Variants in SPTB observed in about 807,000 individuals in gnomAD.
The protein encoded by SPTB is spectrin beta, erythrocytic.
Under a neutral mutation model 256.2 loss-of-function variants are expected in SPTB, and 45 were observed. The observed-to-expected ratio is 0.18, with a 90% CI of 0.14 to 0.23. The LOEUF (loss-of-function observed/expected upper bound fraction) is 0.23, where lower values mean the gene tolerates loss of function less well. Ranked by LOEUF, SPTB falls within the 10% of genes least tolerant of loss-of-function variation. The pLI, the probability that SPTB is intolerant of heterozygous loss-of-function variation, is 1.00. For synonymous variants in SPTB, 1,231 were observed against 1,243.1 expected (o/e 0.99, Z 0.21); for missense variants, 2,715 against 3,040.4 (o/e 0.89, Z 2.52).
chr14:64,799,981 C>T, intron 8 of SPTB, 47 bp from the exon 9 acceptor site: 1 of 1,602,608 alleles, frequency 6.2e-7, no homozygotes, highest in Non-Finnish European at 8.5e-7. Flanking sequence ...GGCAATGCCA[C>T]CACTGAGGAT....
At position 64,841,994 on chromosome 14, in the gene SPTB, G is replaced by A. The variant is rs942470145; in HGVS notation, c.-51-18849C>T. Among the ~76,000 whole-genome samples, 1 of 152,176 alleles carries A rather than the reference G, an allele frequency of 6.6e-6. No individual in the cohort carries two copies. Among genetic ancestry groups the A allele is most frequent in the Admixed American group, 6.5e-5 (1 of 15,276 alleles). ...GGGCTACTCAGAAGTTCCACTGAAC[G>A]GCATGTCAGTGCCTTACCAATAGTC... is the stretch of plus-strand genomic sequence containing the variant. On this transcript the variant is annotated intron_variant, in intron 1 of 35. Transcript: ENST00000644917. This position sits in a 1 kb window ranked among gnomAD's most constrained non-coding sequence, Gnocchi z 4.6.
intron 33 of SPTB, among the ~76,000 whole-genome samples, chr14:64,750,952 C>CATT (rs3063774): frequency 0.35 from 50,426 of 143,420 alleles, 9,946 homozygotes; most frequent in African/African-American, 0.54. Flanking sequence ...CTATATAATA[C>CATT]ATATTTTATA....
At position 64,777,212 on chromosome 14, in the gene SPTB, G is replaced by A. The variant is rs1454956811; in HGVS notation, c.4564-1809C>T. Among the ~76,000 whole-genome samples, 1 of 152,176 alleles carries A rather than the reference G, an allele frequency of 6.6e-6. No homozygotes were observed. Among genetic ancestry groups the A allele is most frequent in the Non-Finnish European group, 1.5e-5 (1 of 68,034 alleles). On this transcript the variant is annotated intron_variant, in intron 22 of 35. Transcript: ENST00000644917. The surrounding 1 kb of genome is among the most constrained non-coding windows in gnomAD (Gnocchi z 4.5). ...GACTGAACAAGTGCAAAGGCTCTGG[G>A]GTGGACATGAGCTGGGACCGTCTGA...
At chr14:64,874,987 C>T (rs1882742551) in intron 1 of SPTB, among the ~76,000 whole-genome samples, 1 of 151,964 alleles carries the variant, frequency 6.6e-6, no homozygotes, top group Non-Finnish European at 1.5e-5. Flanking sequence ...TTATAACATT[C>T]AAATGAAAGA....
chr14:64,761,683 AGAATGAGGCTTCCTCGG>A (rs1272412201), intron 32 of SPTB, among the ~76,000 whole-genome samples: 11 of 152,196 alleles, frequency 7.2e-5, no homozygotes, highest in Non-Finnish European at 1.5e-4. Context: ...GCGTGAGAAG[AGAATGAGGCTTCCTCGG>A]GAGCTGTCTT....
rs2082782895 is a variant in SPTB at position 64,796,986 on chromosome 14, C to T, written c.1183-271G>A. On this transcript the variant is annotated intron_variant, in intron 10 of 35. Coordinates refer to ENST00000644917, the MANE Select transcript of SPTB (RefSeq NM_001355436.2). The surrounding 1 kb of genome is among the most constrained non-coding windows in gnomAD (Gnocchi z 4.1). Reference sequence around the variant, plus strand: ...CTTGGCCCAAAATAATGTTTTTCACCTCTCTGGATGCTCAGTAAGTTCTTA... The same window carrying T: ...CTTGGCCCAAAATAATGTTTTTCACTTCTCTGGATGCTCAGTAAGTTCTTA... Among the ~76,000 whole-genome samples the T allele has an allele frequency of 6.6e-6, 1 of 152,188 alleles. No homozygotes were observed. The highest frequency in any genetic ancestry group is 2.1e-4 in the South Asian group (1 of 4,822).
chr14:64,770,948 G>T lies in SPTB; in HGVS notation c.5735C>A (p.Ala1912Asp), dbSNP rs1291643280. ...TADKFRFFSM[A>D]RDLLSWMESI... ...CTCCATCCAGGAGAGGAGGTCACGG[G>T]CCATGCTGAAGAAGCGGAATTTATC... The change falls in exon 27 of 36, where the codon GCC becomes GAC. Residue 1912 changes from alanine (A) to aspartate (D), a missense_variant. Ala to Asp is a moderately radical substitution (Grantham distance 126, BLOSUM62 -2). Around this residue, in one of 4 missense-constraint regions of SPTB, gnomAD observed 2,239 missense variants for 2,384.4 expected, o/e 0.94. Coordinates refer to ENST00000644917, the MANE Select transcript of SPTB (RefSeq NM_001355436.2). 2 of 1,614,102 alleles carry T rather than the reference G, an allele frequency of 1.2e-6. No homozygotes were observed. Among genetic ancestry groups the T allele is most frequent in the Admixed American group, 3.3e-5 (2 of 60,034 alleles).
At chr14:64,762,957 C>T (rs1213564386) in intron 32 of SPTB, among the ~76,000 whole-genome samples, 1 of 152,212 alleles carries the variant, frequency 6.6e-6, no homozygotes, top group Non-Finnish European at 1.5e-5. Flanking sequence ...ATGGCATCAC[C>T]GCAGCCCTGC....
rs1267406265 is a variant in SPTB at position 64,807,138 on chromosome 14, A to G, written c.149-2048T>C. 6.6e-6 allele frequency among the ~76,000 whole-genome samples: 1 copy of G among 152,224 alleles called. No homozygotes were observed. Among genetic ancestry groups the G allele is most frequent in the Non-Finnish European group, 1.5e-5 (1 of 68,040 alleles). On this transcript the variant is annotated intron_variant, in intron 2 of 35. Transcript: ENST00000644917. This position sits in a 1 kb window ranked among gnomAD's most constrained non-coding sequence, Gnocchi z 4.7. The stretch of plus-strand genomic sequence containing the variant: ...AGTTTTTTCCCTAGAAACCAGATCT[A>G]TTCTTTAAGTAGCTAACCCTTCAGG...
chr14:64,878,251 T>C (rs767103055), intron 1 of SPTB, among the ~76,000 whole-genome samples: 1 of 152,174 alleles, frequency 6.6e-6, no homozygotes, highest in African/African-American at 2.4e-5. Context: ...CCTCTGGAGT[T>C]AGTGGGTTTC....
At chr14:64,843,004 G>A (rs925407208) in intron 1 of SPTB, among the ~76,000 whole-genome samples, 5 of 152,080 alleles carry the variant, frequency 3.3e-5, no homozygotes, top group Non-Finnish European at 4.4e-5. Context: ...GGCTGAGGCT[G>A]CAGTGAGCTG....
Position 64,770,976 on chromosome 14 carries a change from C to T in SPTB, c.5707G>A (p.Ala1903Thr). The change falls in exon 27 of 36, where the codon GCG (alanine) becomes ACG (threonine). Residue 1903 changes from alanine to threonine, a missense_variant. Around this residue, in one of 4 missense-constraint regions of SPTB, gnomAD observed 2,239 missense variants for 2,384.4 expected, o/e 0.94. Coordinates refer to ENST00000644917, the MANE Select transcript of SPTB (RefSeq NM_001355436.2). The part of the protein sequence containing the change: ...AGRRTQLVDT[A>T]DKFRFFSMAR... Reference sequence around the variant, plus strand: ...ATGCTGAAGAAGCGGAATTTATCCGCCGTGTCCACTAGCTGGGTCCGGCGC... The same window carrying T: ...ATGCTGAAGAAGCGGAATTTATCCGTCGTGTCCACTAGCTGGGTCCGGCGC... 1.2e-6 allele frequency: 2 copies of T among 1,614,154 alleles called. No homozygotes were observed. The highest frequency in any genetic ancestry group is 1.7e-6 in the Non-Finnish European group (2 of 1,180,034).
Position 64,793,958 on chromosome 14 carries a change from A to G in SPTB, c.1796-91T>C. 1 of 1,359,194 alleles carries G rather than the reference A, an allele frequency of 7.4e-7. No individual in the cohort carries two copies. Among genetic ancestry groups the G allele is most frequent in the Non-Finnish European group, 9.9e-7 (1 of 1,014,444 alleles). The allele number at this position is 1,359,194 out of a possible 1,614,324, so 84.2% of individuals were successfully genotyped here. ...TAAGCTGCTAGGTTGGAACTACACA[A>G]CCCTGAAGCTGCCATGTCACTGGGG... On this transcript the variant is annotated intron_variant, in intron 13 of 35. Coordinates refer to ENST00000644917, the MANE Select transcript of SPTB (RefSeq NM_001355436.2). The surrounding 1 kb of genome is among the most constrained non-coding windows in gnomAD (Gnocchi z 7.0).
At chr14:64,801,691 G>T in intron 6 of SPTB, 63 bp downstream of exon 6, 2 of 1,495,930 alleles carry the variant, frequency 1.3e-6, no homozygotes, top group Non-Finnish European at 1.9e-6. Flanking sequence ...TAAGTGCAAT[G>T]TGTCCAAATA....
At chr14:64,773,449 C>T (rs776375878) in intron 24 of SPTB, 25 bp from the exon 25 acceptor site, 3 of 1,611,646 alleles carry the variant, frequency 1.9e-6, no homozygotes, top group Non-Finnish European at 2.5e-6. Flanking sequence ...CAAAAAGGCC[C>T]TCAGAGACGG....
intron 2 of SPTB, 111 bp downstream of exon 2, chr14:64,822,836 T>C: frequency 6.6e-7 from 1 of 1,515,248 alleles, no homozygotes. Context: ...TCTCCATCAC[T>C]GCCATGCCAG....
In SPTB at chr14:64,874,827, A is replaced by C. The variant is rs915589687; in HGVS notation, c.-52+4965T>G. The stretch of plus-strand genomic sequence containing the variant: ...TTCTTCTCCTTTTCACAATGGTGGA[A>C]ACTCCTAAATTGACTATAATTCGAA... On this transcript the variant is annotated intron_variant, in intron 1 of 35. Transcript: ENST00000644917. 2.0e-5 allele frequency among the ~76,000 whole-genome samples: 3 copies of C among 152,204 alleles called. No homozygotes were observed. In the South Asian group the frequency reaches 6.2e-4, roughly 32 times the overall value.
At chr14:64,814,416 TCTG>T (rs2083151433) in intron 2 of SPTB, among the ~76,000 whole-genome samples, 1 of 152,180 alleles carries the variant, frequency 6.6e-6, no homozygotes, top group South Asian at 2.1e-4. Flanking sequence ...TAACAAAATC[TCTG>T]GTTTCCTTTA....
At position 64,775,449 on chromosome 14, in the gene SPTB, G is replaced by A. The variant is rs61392811; in HGVS notation, c.4564-46C>T. 0.059 allele frequency: 92,849 copies of A among 1,582,778 alleles called. 6,270 individuals carry two copies. The highest frequency in any genetic ancestry group is 0.39 in the East Asian group (17,466 of 44,512). Reference sequence around the variant, plus strand: ...TCGGGGCAGGGCCTTCCCACCATGCGGGGGAGGCTGCTTCAGCAGTGGCAG... The same window carrying A: ...TCGGGGCAGGGCCTTCCCACCATGCAGGGGAGGCTGCTTCAGCAGTGGCAG... On this transcript the variant is annotated intron_variant, in intron 22 of 35. Coordinates refer to ENST00000644917, the MANE Select transcript of SPTB (RefSeq NM_001355436.2). This position sits in a 1 kb window ranked among gnomAD's most constrained non-coding sequence, Gnocchi z 5.0.
Sources: allele counts gnomAD v4.1 joint callset (sites outside exome capture counted in the v4.1 genomes callset), GRCh38; gene constraint gnomAD v4.1.1; regional missense constraint gnomAD v4.1.1; non-coding constraint Gnocchi (gnomAD v3.1); transcripts MANE v1.5; gene names NCBI Gene and HGNC (gene_info 2026-07-23, HGNC 2026-07-21).